The following ADGRL2 variants were observed in gnomAD, a reference collection of about 807,000 sequenced individuals.
ADGRL2 encodes calcium-independent alpha-latrotoxin receptor 2.
Under a neutral mutation model 157.4 loss-of-function variants are expected in ADGRL2, and 44 were observed. The observed-to-expected ratio is 0.28, with a 90% confidence interval of 0.22 to 0.36. The LOEUF is 0.36. Among genes scored for constraint, ADGRL2 ranks in the 10% least tolerant of loss-of-function variants. The pLI is 1.00. For synonymous variants in ADGRL2, 585 were observed against 624.7 expected, an observed-to-expected ratio of 0.94 and a Z score of 0.95; for missense variants, 1,510 against 1,768.9, an observed-to-expected ratio of 0.85 and a Z score of 2.63.
At chr1:81,792,588 A>G (rs2087401171) in intron 2 of ADGRL2, among the ~76,000 whole-genome samples, 1 of 152,194 alleles carries the variant, frequency 6.6e-6, no homozygotes, top group Non-Finnish European at 1.5e-5. Flanking sequence ...ATCATTTTAT[A>G]TGAAGTGGCA....
At chr1:81,417,170 A>G (rs1257116369) in intron 1 of ADGRL2, among the ~76,000 whole-genome samples, 1 of 152,188 alleles carries the variant, frequency 6.6e-6, no homozygotes, top group African/African-American at 2.4e-5. Flanking sequence ...GTTGCGACCC[A>G]TGCAGACTAC....
intron 3 of ADGRL2, among the ~76,000 whole-genome samples, chr1:81,916,136 G>A (rs1015881379): frequency 2.0e-5 from 3 of 152,086 alleles, no homozygotes; most frequent in East Asian, 3.9e-4. Context: ...TTTACTTACT[G>A]TCTAAGGAAA....
intron 3 of ADGRL2, among the ~76,000 whole-genome samples, chr1:81,627,697 G>T (rs1227149442): frequency 6.6e-6 from 1 of 152,152 alleles, no homozygotes; most frequent in East Asian, 1.9e-4. Context: ...TGGGCAAATT[G>T]AAAACAGTAA....
chr1:81,962,952 A>C (rs1251852590), intron 11 of ADGRL2, among the ~76,000 whole-genome samples: 1 of 152,132 alleles, frequency 6.6e-6, no homozygotes, highest in Non-Finnish European at 1.5e-5. Flanking sequence ...CCAGTTCCAG[A>C]CACAAAAATC....
rs184509122 is a variant in ADGRL2, at chr1:81,655,981, T to C, written c.-143+75001T>C. ...CCAGAGGCATTTGGGAAAGGCTGAA[T>C]GGGTGAATCTCTCCTTCTCATATGT... On this transcript the variant is annotated intron_variant, in intron 3 of 24. Coordinates refer to the ADGRL2 transcript ENST00000370721. Among the ~76,000 whole-genome samples, 461 of 152,336 alleles carry C rather than the reference T, an allele frequency of 3.0e-3. 2 individuals are homozygous for C. Among genetic ancestry groups the C allele is most frequent in the Non-Finnish European group, 5.3e-3 (363 of 68,024 alleles).
intron 3 of ADGRL2, among the ~76,000 whole-genome samples, chr1:81,597,612 T>C (rs140754896): frequency 5.3e-5 from 8 of 152,310 alleles, no homozygotes; most frequent in Non-Finnish European, 1.2e-4. Flanking sequence ...ATACCTTAAC[T>C]GAGTTACCCC....
intron 2 of ADGRL2, among the ~76,000 whole-genome samples, chr1:81,518,015 C>T (rs914422199): frequency 3.9e-5 from 6 of 152,208 alleles, no homozygotes; most frequent in African/African-American, 1.4e-4. Context: ...TACTTAACAC[C>T]TTAGATAACC....
chr1:81,655,137 T>C (rs2082503024), intron 3 of ADGRL2, among the ~76,000 whole-genome samples: 1 of 152,196 alleles, frequency 6.6e-6, no homozygotes, highest in Non-Finnish European at 1.5e-5. Context: ...TGGCCAGGAC[T>C]ACGGGCGCAT....
intron 2 of ADGRL2, among the ~76,000 whole-genome samples, chr1:81,561,789 G>A (rs1023980187): frequency 6.6e-6 from 1 of 151,928 alleles, no homozygotes; most frequent in Non-Finnish European, 1.5e-5. Context: ...ATTTTGCACT[G>A]ATATCACTTT....
At chr1:81,818,346 T>A (rs1027334570) in intron 1 of ADGRL2, among the ~76,000 whole-genome samples, 2 of 152,168 alleles carry the variant, frequency 1.3e-5, no homozygotes, top group Non-Finnish European at 2.9e-5. Context: ...TTCACAGCAT[T>A]TATAATGTCT....
chr1:81,717,577 G>A (rs993859610), intron 1 of ADGRL2, among the ~76,000 whole-genome samples: 2 of 152,082 alleles, frequency 1.3e-5, no homozygotes, highest in Non-Finnish European at 2.9e-5. Context: ...TCCATTAATG[G>A]GATAATGGAT....
chr1:81,440,724 C>A (rs1435819302), intron 1 of ADGRL2, among the ~76,000 whole-genome samples: 1 of 152,210 alleles, frequency 6.6e-6, no homozygotes, highest in African/African-American at 2.4e-5. Context: ...ATCCGTATTT[C>A]TGTTAATAGC....
chr1:81,906,355 T>TA (rs2094584535), intron 2 of ADGRL2, among the ~76,000 whole-genome samples: 1 of 152,204 alleles, frequency 6.6e-6, no homozygotes, highest in Admixed American at 6.5e-5. Context: ...AGAATATACT[T>TA]ACATCTCAGA....
chr1:81,444,714 T>C (rs2077570274), intron 1 of ADGRL2, among the ~76,000 whole-genome samples: 1 of 152,198 alleles, frequency 6.6e-6, no homozygotes, highest in African/African-American at 2.4e-5. Flanking sequence ...TTGATCTTTT[T>C]ATTAACCCAT....
chr1:81,446,306 T>C (rs979101357), intron 2 of ADGRL2, among the ~76,000 whole-genome samples: 2 of 152,044 alleles, frequency 1.3e-5, no homozygotes, highest in Non-Finnish European at 2.9e-5. Context: ...TCAATTGGCA[T>C]AGAGTTTCAG....
At chr1:81,532,085 T>G (rs1214522334) in intron 2 of ADGRL2, among the ~76,000 whole-genome samples, 1 of 152,172 alleles carries the variant, frequency 6.6e-6, no homozygotes, top group Non-Finnish European at 1.5e-5. Flanking sequence ...AATATACTAT[T>G]TAATTTCTCT....
chr1:81,512,849 GA>G (rs1213146188), intron 2 of ADGRL2, among the ~76,000 whole-genome samples: 1 of 151,940 alleles, frequency 6.6e-6, no homozygotes, highest in Non-Finnish European at 1.5e-5. Context: ...TTCATGACCT[GA>G]ATAATGCTTA....
At chr1:81,867,299 A>G (rs766944248) in intron 2 of ADGRL2, among the ~76,000 whole-genome samples, 1 of 152,198 alleles carries the variant, frequency 6.6e-6, no homozygotes, top group Non-Finnish European at 1.5e-5. Flanking sequence ...TATACTGTTG[A>G]ACAAGGTAGC....
intron 2 of ADGRL2, among the ~76,000 whole-genome samples, chr1:81,853,353 G>A (rs567255196): frequency 8.5e-5 from 13 of 152,094 alleles, no homozygotes; most frequent in Admixed American, 1.3e-4. Context: ...GACAATGTAC[G>A]ACTGCAGGTG....
Sources: allele counts gnomAD v4.1 joint callset (sites outside exome capture counted in the v4.1 genomes callset), GRCh38; gene constraint gnomAD v4.1.1; transcripts MANE v1.5; gene names NCBI Gene and HGNC (gene_info 2026-07-23, HGNC 2026-07-21).